TNFSF13B: variants seen among roughly 807,000 people sequenced by gnomAD.
TNFSF13B encodes the protein tumor necrosis factor ligand superfamily member 13B.
Under a neutral mutation model 29.1 loss-of-function variants are expected in TNFSF13B, and 8 were observed. The ratio of observed to expected loss-of-function variants is 0.27; its 90% CI spans 0.16 to 0.50. The LOEUF (loss-of-function observed/expected upper bound fraction) is 0.50, where lower values mean the gene tolerates loss of function less well. Among genes scored for constraint, TNFSF13B ranks in the 20% least tolerant of loss-of-function variants. TNFSF13B has a pLI of 0.98. For missense variants in TNFSF13B, 248 were observed against 334.9 expected, an observed-to-expected ratio of 0.74 and a Z score of 2.03; for synonymous variants, 125 against 130.8, an observed-to-expected ratio of 0.96 and a Z score of 0.30.
rs1318110579 is a variant in TNFSF13B at position 108,269,895 on chromosome 13, T to C, written c.-1T>C. ...CCAACCTTCAAAGTTCAAGTAGTGA[T>C]ATGGATGACTCCACAGAAAGGGAGC... On this transcript the variant is annotated 5_prime_UTR_variant, in exon 1 of 6. Coordinates refer to ENST00000375887, the MANE Select transcript of TNFSF13B (RefSeq NM_006573.5). 3 of 1,601,734 alleles carry C rather than the reference T, an allele frequency of 1.9e-6. No individual in the cohort carries two copies. Among genetic ancestry groups the C allele is most frequent in the South Asian group, 2.2e-5 (2 of 90,054 alleles).
At chr13:108,277,546 G>GA (rs899443626) in intron 2 of TNFSF13B, among the ~76,000 whole-genome samples, 3 of 152,098 alleles carry the variant, frequency 2.0e-5, no homozygotes, top group African/African-American at 7.2e-5. Flanking sequence ...TCTGACGCCA[G>GA]AAAAAATTCG....
At chr13:108,301,439 A>T (rs1212546072) in intron 3 of TNFSF13B, 1 of 152,254 alleles carries the variant, frequency 6.6e-6, no homozygotes, top group Non-Finnish European at 1.5e-5. Context: ...AATGTGCAAT[A>T]TATACACAGT....
intron 3 of TNFSF13B, among the ~76,000 whole-genome samples, chr13:108,290,720 C>T (rs61092568): frequency 0.046 from 7,051 of 151,848 alleles, 307 homozygotes; most frequent in African/African-American, 0.12. Context: ...CAAGCATTTC[C>T]TCCCATACTG....
intron 2 of TNFSF13B, among the ~76,000 whole-genome samples, chr13:108,270,692 TAG>T (rs1880589090): frequency 6.6e-6 from 1 of 152,088 alleles, no homozygotes; most frequent in South Asian, 2.1e-4. Flanking sequence ...GCATTAAGCA[TAG>T]AGGAGATAAA....
chr13:108,302,543 C>T (rs958979051), intron 3 of TNFSF13B, among the ~76,000 whole-genome samples: 5 of 148,934 alleles, frequency 3.4e-5, no homozygotes, highest in African/African-American at 1.2e-4. Context: ...GTAGTCCCCC[C>T]ATGTGCCTAC....
intron 3 of TNFSF13B, among the ~76,000 whole-genome samples, chr13:108,298,310 A>G (rs1234345332): frequency 6.9e-6 from 1 of 145,386 alleles, no homozygotes; most frequent in Non-Finnish European, 1.5e-5. Flanking sequence ...CGAAAAGTGA[A>G]CAGATTATAA....
intron 3 of TNFSF13B, among the ~76,000 whole-genome samples, chr13:108,301,756 A>G (rs1881631322): frequency 6.6e-6 from 1 of 152,172 alleles, no homozygotes. Context: ...ATGAAAATGT[A>G]TTTTTGAAAA....
At chr13:108,294,833 C>A (rs1177392949) in intron 3 of TNFSF13B, among the ~76,000 whole-genome samples, 4 of 144,832 alleles carry the variant, frequency 2.8e-5, no homozygotes, top group Non-Finnish European at 6.1e-5. Flanking sequence ...ACCAGTAAAA[C>A]CATCTAGTTA....
intron 2 of TNFSF13B, among the ~76,000 whole-genome samples, chr13:108,286,274 A>G (rs1344133810): frequency 6.6e-6 from 1 of 151,986 alleles, no homozygotes; most frequent in Non-Finnish European, 1.5e-5. Flanking sequence ...AATTTTTAGG[A>G]TTCTTGTGAG....
rs145806320 is a variant in TNFSF13B at position 108,306,710 on chromosome 13, A to G, written c.746-116A>G. 1,023 of 598,502 alleles carry G rather than the reference A, an allele frequency of 1.7e-3. 7 individuals are homozygous for G. Among genetic ancestry groups the G allele is most frequent in the East Asian group, 5.9e-3 (195 of 33,294 alleles). The allele number at this position is 598,502 out of a possible 1,614,324, so 37.1% of individuals were successfully genotyped here. On this transcript the variant is annotated intron_variant, in intron 5 of 5. Coordinates refer to ENST00000375887, the MANE Select transcript of TNFSF13B (RefSeq NM_006573.5). ...TTTAGAAGTCCGTTGGTGTATTTTG[A>G]AGTGTGAATGCCTATGTTAACATTT...
chr13:108,289,582 G>GTATTATAATAATTATATATAATAATA (rs1881246328), intron 3 of TNFSF13B, among the ~76,000 whole-genome samples: 1 of 145,672 alleles, frequency 6.9e-6, no homozygotes, highest in East Asian at 1.9e-4. Flanking sequence ...AATATATAAT[G>GTATTATAATAATTATATATAATAATA]TATTATAATA....
chr13:108,276,746 AATTCTTTAT>A (rs1880774612), intron 2 of TNFSF13B, among the ~76,000 whole-genome samples: 1 of 152,166 alleles, frequency 6.6e-6, no homozygotes, highest in South Asian at 2.1e-4. Context: ...AAAGCTCAAT[AATTCTTTAT>A]ACTTTTGACT....
At chr13:108,291,996 A>G (rs888506642) in intron 3 of TNFSF13B, among the ~76,000 whole-genome samples, 37 of 152,142 alleles carry the variant, frequency 2.4e-4, no homozygotes, top group African/African-American at 7.2e-4. Context: ...TTAAATTCAT[A>G]TAACATAAAA....
intron 2 of TNFSF13B, among the ~76,000 whole-genome samples, chr13:108,276,290 C>T (rs149030485): frequency 7.9e-5 from 12 of 152,316 alleles, no homozygotes; most frequent in South Asian, 4.1e-4. Context: ...CAGAGCTTTC[C>T]CTGAGAGTTA....
chr13:108,298,851 G>T (rs1330666549), intron 3 of TNFSF13B, among the ~76,000 whole-genome samples: 1 of 145,236 alleles, frequency 6.9e-6, no homozygotes, highest in Non-Finnish European at 1.5e-5. Context: ...CTTGCCTGTA[G>T]TCGCAGCTAC....
chr13:108,284,359 TAAATAAACAAAC>T (rs895919516), intron 2 of TNFSF13B, among the ~76,000 whole-genome samples: 7 of 94,140 alleles, frequency 7.4e-5, no homozygotes, highest in East Asian at 1.0e-3. Flanking sequence ...AATAAATGAA[TAAATAAACAAAC>T]AAACAAACAA....
chr13:108,292,434 C>A (rs539800553), intron 3 of TNFSF13B, among the ~76,000 whole-genome samples: 10 of 152,192 alleles, frequency 6.6e-5, no homozygotes, highest in African/African-American at 2.2e-4. Flanking sequence ...TAAAGTACTT[C>A]CTGAGTGCCT....
intron 3 of TNFSF13B, among the ~76,000 whole-genome samples, chr13:108,289,427 A>C (rs1000952515): frequency 2.6e-5 from 4 of 152,032 alleles, no homozygotes; most frequent in African/African-American, 9.7e-5. Flanking sequence ...GGCAGATTGC[A>C]TTTAGCAGGT....
chr13:108,289,988 C>T (rs1228167419), intron 3 of TNFSF13B, among the ~76,000 whole-genome samples: 1 of 152,010 alleles, frequency 6.6e-6, no homozygotes, highest in African/African-American at 2.4e-5. Flanking sequence ...GTGGATTGCT[C>T]CTTTTCCCAT....
Sources: allele counts gnomAD v4.1 joint callset (sites outside exome capture counted in the v4.1 genomes callset), GRCh38; gene constraint gnomAD v4.1.1; transcripts MANE v1.5; gene names NCBI Gene and HGNC (gene_info 2026-07-23, HGNC 2026-07-21).